Variants in NCAPH2 observed in about 807,000 individuals in gnomAD.
NCAPH2 encodes the protein condensin-2 complex subunit H2.
NCAPH2 carries 56 observed loss-of-function variants against 88.6 expected under a neutral mutation model. The observed-to-expected ratio is 0.63, with a 90% confidence interval of 0.51 to 0.79. NCAPH2 has a LOEUF of 0.79. NCAPH2 is among the 30% of genes least tolerant of loss of function. NCAPH2 has a pLI of 0.00. For missense variants in NCAPH2, 794 were observed against 792.0 expected, an observed-to-expected ratio of 1.00 and a Z score of -0.03; for synonymous variants, 378 against 313.6, an observed-to-expected ratio of 1.21 and a Z score of -2.17.
At position 50,523,544 on chromosome 22, in the gene NCAPH2, G is replaced by A; in HGVS notation, c.*169G>A. On this transcript the variant is annotated 3_prime_UTR_variant, in exon 20 of 20. Coordinates refer to ENST00000420993, the MANE Select transcript of NCAPH2 (RefSeq NM_152299.4). Reference sequence around the variant, plus strand: ...GCTGCCTGGCCTCCCTGGGCCGCTGGTACAGATCACACACACACACAGATT... The same window carrying A: ...GCTGCCTGGCCTCCCTGGGCCGCTGATACAGATCACACACACACACAGATT... 6.3e-7 allele frequency: 1 copy of A among 1,588,180 alleles called. No homozygotes were observed. The highest frequency in any genetic ancestry group is 1.8e-5 in the Admixed American group (1 of 56,624).
rs746768930 is a variant in NCAPH2 at position 50,517,729 on chromosome 22, G to C, written c.352-12G>C. On this transcript the variant is annotated splice_polypyrimidine_tract_variant and intron_variant, in intron 4 of 19. Coordinates refer to ENST00000420993, the MANE Select transcript of NCAPH2 (RefSeq NM_152299.4). ...CCTGGGCTCCGCCCCCACGAGCTCT[G>C]TCTCCCTCCAGTTCCTGTCGCTGGA... The C allele has an allele frequency of 2.5e-6, 4 of 1,613,950 alleles. No homozygotes were observed. Among genetic ancestry groups the C allele is most frequent in the South Asian group, 1.1e-5 (1 of 91,092 alleles).
In NCAPH2 at chr22:50,523,289, G is replaced by A; in HGVS notation, c.1732G>A (p.Asp578Asn). The A allele has an allele frequency of 6.2e-7, 1 of 1,605,762 alleles. No individual in the cohort carries two copies. The highest frequency in any genetic ancestry group is 1.1e-5 in the South Asian group (1 of 89,810). The change falls in exon 20 of 20, where the codon GAC becomes AAC. Residue 578 changes from aspartate (D) to asparagine (N), a missense_variant. Transcript: ENST00000420993. ...GCAGCCCGGGCTGGAGATGGCCGTG[G>A]ACACCATGTCCCTGAGACTGCTCAC... ...TQQPGLEMAV[D>N]TMSLRLLTHQ...
At chr22:50,521,063 G>T in intron 10 of NCAPH2, 27 bp downstream of exon 10, 1 of 1,548,162 alleles carries the variant, frequency 6.5e-7, no homozygotes, top group Non-Finnish European at 8.7e-7. Flanking sequence ...CCTGACCCCC[G>T]GCAGGGAGGG....
chr22:50,516,403 G>C, intron 1 of NCAPH2, 44 bp from the exon 2 acceptor site: 3 of 1,595,086 alleles, frequency 1.9e-6, no homozygotes, highest in Non-Finnish European at 2.6e-6. Flanking sequence ...AGCGAGTGCA[G>C]ACTGGGCCTT....
Position 50,523,826 on chromosome 22 carries a change from T to A in NCAPH2, c.*451T>A. ...CTGTGACTAGCCTGGGCAACCTGTT[T>A]GGTGGAGCCGGTCAGACCCAACAGT... On this transcript the variant is annotated 3_prime_UTR_variant, in exon 20 of 20. Transcript: ENST00000420993. The A allele has an allele frequency of 6.2e-7, 1 of 1,614,068 alleles. No homozygotes were observed. Among genetic ancestry groups the A allele is most frequent in the Non-Finnish European group, 8.5e-7 (1 of 1,180,026 alleles).
intron 2 of NCAPH2, 62 bp from the exon 3 acceptor site, chr22:50,517,365 G>C: frequency 6.4e-7 from 1 of 1,565,280 alleles, no homozygotes; most frequent in Non-Finnish European, 8.8e-7. Flanking sequence ...ATGGATAGCT[G>C]GGAAGGCCTT....
chr22:50,523,133 GGT>G lies in NCAPH2; in HGVS notation c.1649_1650del (p.Cys550SerfsTer12). The G allele has an allele frequency of 6.2e-7, 1 of 1,613,690 alleles. No homozygotes were observed. Among genetic ancestry groups the G allele is most frequent in the Non-Finnish European group, 8.5e-7 (1 of 1,179,880 alleles). ...ELVAGQPAFE[V>X]CRSMLASLQL... ...TGGTGGCTGGCCAGCCGGCCTTCGA[GGT>G]GTGTCGTTCCATGCTGGCCTCCCTG... On this transcript the variant is annotated frameshift_variant, in exon 19 of 20. Coordinates refer to ENST00000420993, the MANE Select transcript of NCAPH2 (RefSeq NM_152299.4). LOFTEE classifies it high-confidence loss of function.
chr22:50,523,915 GTGA>G lies in NCAPH2; in HGVS notation c.*544_*546del. The G allele has an allele frequency of 6.2e-7, 1 of 1,613,692 alleles. No homozygotes were observed. Among genetic ancestry groups the G allele is most frequent in the Non-Finnish European group, 8.5e-7 (1 of 1,179,900 alleles). On this transcript the variant is annotated 3_prime_UTR_variant, in exon 20 of 20. Transcript: ENST00000420993. ...AACGTCGTCCCGCTCGGGGTCCACA[GTGA>G]TGAAGACAGGCTGCACTGGAGGCAA...
At chr22:50,512,711 A>G (rs974592091) in intron 1 of NCAPH2, among the ~76,000 whole-genome samples, 1 of 151,628 alleles carries the variant, frequency 6.6e-6, no homozygotes, top group Non-Finnish European at 1.5e-5. Flanking sequence ...CACCTGGCTA[A>G]TTTTTTGTAT....
chr22:50,515,659 G>A (rs1415074768), intron 1 of NCAPH2: 2 of 1,224,756 alleles, frequency 1.6e-6, no homozygotes, highest in Non-Finnish European at 2.1e-6. Flanking sequence ...GCCTCCCAAA[G>A]TGCTGGGATT....
At position 50,524,239 on chromosome 22, in the gene NCAPH2, C is replaced by G; in HGVS notation, c.*864C>G. 6.2e-7 allele frequency: 1 copy of G among 1,606,798 alleles called. No homozygotes were observed. Among genetic ancestry groups the G allele is most frequent in the South Asian group, 1.1e-5 (1 of 91,062 alleles). ...CAGGCCTGTGATCAGCAGCCGGGTT[C>G]GAAGCCCAGGGCCCTGGGGCTGGCC... On this transcript the variant is annotated 3_prime_UTR_variant, in exon 20 of 20. Transcript: ENST00000420993.
intron 9 of NCAPH2, chr22:50,519,832 C>G: frequency 1.1e-6 from 1 of 900,804 alleles, no homozygotes; most frequent in Non-Finnish European, 1.3e-6. Context: ...ATTCATTTTT[C>G]CTAGTTTTGA....
intron 1 of NCAPH2, among the ~76,000 whole-genome samples, chr22:50,509,713 C>T (rs948441179): frequency 6.6e-6 from 1 of 152,164 alleles, no homozygotes; most frequent in African/African-American, 2.4e-5. Context: ...CTGTTTTCTG[C>T]CTAAAATCAA....
In NCAPH2 at chr22:50,524,234, G is replaced by T. The variant is rs753779965; in HGVS notation, c.*859G>T. 5 of 1,607,118 alleles carry T rather than the reference G, an allele frequency of 3.1e-6. No individual in the cohort carries two copies. The highest frequency in any genetic ancestry group is 2.2e-5 in the East Asian group (1 of 44,864). The stretch of plus-strand genomic sequence containing the variant: ...CCGAACAGGCCTGTGATCAGCAGCC[G>T]GGTTCGAAGCCCAGGGCCCTGGGGC... On this transcript the variant is annotated 3_prime_UTR_variant, in exon 20 of 20. Coordinates refer to ENST00000420993, the MANE Select transcript of NCAPH2 (RefSeq NM_152299.4).
intron 1 of NCAPH2, among the ~76,000 whole-genome samples, chr22:50,511,065 C>G (rs181477756): frequency 8.1e-4 from 123 of 151,332 alleles, no homozygotes; most frequent in African/African-American, 2.9e-3. Flanking sequence ...CCAGGATGGT[C>G]TCGATCTCCT....
At chr22:50,520,419 A>T (rs1352992364) in intron 9 of NCAPH2, 1 of 151,724 alleles carries the variant, frequency 6.6e-6, no homozygotes, top group Non-Finnish European at 1.5e-5. Context: ...ACACCCGGCT[A>T]ATTTTTGTAT....
chr22:50,518,570 G>A, intron 7 of NCAPH2, 79 bp from the exon 8 acceptor site: 1 of 1,412,648 alleles, frequency 7.1e-7, no homozygotes, highest in Non-Finnish European at 9.7e-7. Flanking sequence ...TGGCCCCTTG[G>A]AGAGGCTTGT....
rs1390343150 is a variant in NCAPH2, at chr22:50,518,658, G to A, written c.656G>A (p.Arg219Lys). ...PMPGTQKDTG[R>K]TEEQPMEVSV... ...TCCCTGTCTCTCCCAGACACCGGGA[G>A]GACTGAGGAGCAGCCAATGGAAGTT... Residue 219 changes from arginine to lysine, a missense_variant, in exon 8 of 20, where the codon AGG (arginine) becomes AAG (lysine). Coordinates refer to ENST00000420993, the MANE Select transcript of NCAPH2 (RefSeq NM_152299.4). The A allele has an allele frequency of 1.2e-6, 2 of 1,607,642 alleles. No individual in the cohort carries two copies. Among genetic ancestry groups the A allele is most frequent in the Admixed American group, 1.7e-5 (1 of 59,396 alleles).
At chr22:50,515,788 G>A (rs1268137956) in intron 1 of NCAPH2, 3 of 1,301,394 alleles carry the variant, frequency 2.3e-6, no homozygotes, top group Admixed American at 2.3e-5. Context: ...AAGTATGGAA[G>A]TAAAGTGTTT....
Sources: allele counts gnomAD v4.1 joint callset (sites outside exome capture counted in the v4.1 genomes callset), GRCh38; gene constraint gnomAD v4.1.1; transcripts MANE v1.5; gene names NCBI Gene and HGNC (gene_info 2026-07-23, HGNC 2026-07-21).